Variants in TECPR2 observed in about 807,000 individuals in gnomAD.
The protein encoded by TECPR2 is tectonin beta-propeller repeat-containing protein 2.
A neutral mutation model predicts 138.1 loss-of-function variants in TECPR2; 65 were observed. That is an observed-to-expected ratio of 0.47 (90% CI 0.39 to 0.58). TECPR2 has a LOEUF of 0.58. TECPR2 is among the 20% of genes least tolerant of loss of function. The pLI is 0.00. For missense variants in TECPR2, 1,553 were observed against 1,824.5 expected, an observed-to-expected ratio of 0.85 and a Z score of 2.71; for synonymous variants, 746 against 749.8, an observed-to-expected ratio of 0.99 and a Z score of 0.08.
At chr14:102,370,588 C>G (rs1391573760) in intron 1 of TECPR2, among the ~76,000 whole-genome samples, 1 of 152,180 alleles carries the variant, frequency 6.6e-6, no homozygotes, top group African/African-American at 2.4e-5. Context: ...AGTGAGAGAT[C>G]CTCGGGTGGC....
At position 102,434,732 on chromosome 14, in the gene TECPR2, T is replaced by C. The variant is rs1475275571; in HGVS notation, c.1915T>C (p.Phe639Leu). The C allele has an allele frequency of 1.9e-6, 3 of 1,613,486 alleles. No homozygotes were observed. Among genetic ancestry groups the C allele is most frequent in the Non-Finnish European group, 2.5e-6 (3 of 1,180,014 alleles). ...CCAACCCATTGGCCCCCAAAGCACT[T>C]TTTGTGAAGTCCCCCTCCTGAACTC... ...DIQPIGPQST[F>L]CEVPLLNSLT... Residue 639 changes from phenylalanine (F) to leucine (L), a missense_variant, in exon 9 of 20, where the codon TTT becomes CTT. By Grantham distance (22) the Phe-to-Leu change is conservative. Coordinates refer to ENST00000359520, the MANE Select transcript of TECPR2 (RefSeq NM_014844.5).
At chr14:102,373,197 T>TCCC (rs1372616375) in intron 1 of TECPR2, among the ~76,000 whole-genome samples, 1 of 151,830 alleles carries the variant, frequency 6.6e-6, no homozygotes, top group Non-Finnish European at 1.5e-5. Context: ...TGTTTTTTTT[T>TCCC]TCTTTCTTTT....
rs771394315 is a variant in TECPR2 at position 102,434,647 on chromosome 14, C to T, written c.1830C>T (p.Ser610=). The T allele has an allele frequency of 1.9e-6, 3 of 1,601,024 alleles. No homozygotes were observed. In the South Asian group the frequency reaches 3.3e-5, roughly 18 times the overall value. Residue 610 remains serine (S), a synonymous_variant, in exon 9 of 20, where the codon AGC becomes AGT. Coordinates refer to ENST00000359520, the MANE Select transcript of TECPR2 (RefSeq NM_014844.5). The part of the protein sequence containing the change: ...EPCPADDGPN[S]TQLPFQEQDS... ...GTCCTGCAGATGATGGACCAAATAG[C>T]ACACAGTTACCCTTCCAAGAACAGG...
rs144027811 is a variant in TECPR2, at chr14:102,477,037, C to G, written c.3789+11748C>G. On this transcript the variant is annotated intron_variant, in intron 17 of 19. Coordinates refer to ENST00000359520, the MANE Select transcript of TECPR2 (RefSeq NM_014844.5). ...CCAGCCTGGGTGATAGAGCATGACC[C>G]TGTCTCAAAAACAAACTTATTTATA... Among the ~76,000 whole-genome samples the G allele has an allele frequency of 1.5e-3, 232 of 152,020 alleles. 1 individual carries two copies. Among genetic ancestry groups the G allele is most frequent in the African/African-American group, 5.1e-3 (211 of 41,448 alleles).
At chr14:102,457,446 C>T (rs1890302078) in intron 16 of TECPR2, among the ~76,000 whole-genome samples, 1 of 152,264 alleles carries the variant, frequency 6.6e-6, no homozygotes. Context: ...GTGCTGTCTG[C>T]CCAGGAGCCC....
At chr14:102,375,333 G>A (rs888588189) in intron 1 of TECPR2, among the ~76,000 whole-genome samples, 15 of 152,064 alleles carry the variant, frequency 9.9e-5, no homozygotes, top group Non-Finnish European at 1.9e-4. Context: ...GTCACAGAGT[G>A]AGACTGTGTC....
At position 102,407,323 on chromosome 14, in the gene TECPR2, T is replaced by A; in HGVS notation, c.220-15T>A. The A allele has an allele frequency of 1.9e-6, 3 of 1,584,942 alleles. No individual in the cohort carries two copies. The highest frequency in any genetic ancestry group is 2.6e-6 in the Non-Finnish European group (3 of 1,168,368). The stretch of plus-strand genomic sequence containing the variant: ...TGCATAGTTACAGATTCATTTGTTT[T>A]CAACGTTTCCCCAGGGGAAGACGGA... On this transcript the variant is annotated splice_polypyrimidine_tract_variant and intron_variant, in intron 2 of 19. Coordinates refer to ENST00000359520, the MANE Select transcript of TECPR2 (RefSeq NM_014844.5).
rs145028472 is a variant in TECPR2 at position 102,364,901 on chromosome 14, C to T, written c.-73+1785C>T. Among the ~76,000 whole-genome samples the T allele has an allele frequency of 9.1e-3, 1,378 of 152,058 alleles. 8 individuals are homozygous for T. The highest frequency in any genetic ancestry group is 0.02 in the Middle Eastern group (6 of 294). Reference sequence around the variant, plus strand: ...TAATGAAAAGCTTTGGTGTCAAGCACGAAGAGATTTCTAGATTCAGTAATG... The same window carrying T: ...TAATGAAAAGCTTTGGTGTCAAGCATGAAGAGATTTCTAGATTCAGTAATG... On this transcript the variant is annotated intron_variant, in intron 1 of 19. Transcript: ENST00000359520.
intron 8 of TECPR2, among the ~76,000 whole-genome samples, chr14:102,433,510 A>AT (rs1247858903): frequency 1.3e-5 from 2 of 150,220 alleles, no homozygotes; most frequent in African/African-American, 4.9e-5. Flanking sequence ...TTATTTATTT[A>AT]TTTATTTATT....
intron 2 of TECPR2, 39 bp from the exon 3 acceptor site, chr14:102,407,299 G>T (rs371583195): frequency 9.0e-6 from 14 of 1,555,620 alleles, no homozygotes; most frequent in Non-Finnish European, 1.1e-5. Flanking sequence ...TTCAAAGCCT[G>T]CATAGTTACA....
At chr14:102,405,832 G>A (rs573143960) in intron 2 of TECPR2, among the ~76,000 whole-genome samples, 2 of 152,166 alleles carry the variant, frequency 1.3e-5, no homozygotes, top group Non-Finnish European at 2.9e-5. Context: ...ACATACAAGA[G>A]AATATGAGTA....
chr14:102,486,151 G>A (rs952947301), intron 17 of TECPR2, among the ~76,000 whole-genome samples: 1 of 152,206 alleles, frequency 6.6e-6, no homozygotes, highest in Non-Finnish European at 1.5e-5. Context: ...GCAGTAACTG[G>A]AGTCAGTGCA....
chr14:102,418,948 G>A (rs1052167883), intron 5 of TECPR2, among the ~76,000 whole-genome samples: 1 of 152,130 alleles, frequency 6.6e-6, no homozygotes, highest in East Asian at 1.9e-4. Context: ...CTGGAGGCAC[G>A]GGGAGAAGGA....
intron 17 of TECPR2, among the ~76,000 whole-genome samples, chr14:102,489,001 G>T (rs963369814): frequency 6.6e-6 from 1 of 151,832 alleles, no homozygotes; most frequent in Non-Finnish European, 1.5e-5. Context: ...TCCTGCCTCA[G>T]CCTCCCGAGA....
At position 102,443,508 on chromosome 14, in the gene TECPR2, A is replaced by G. The variant is rs1051111239; in HGVS notation, c.2753-139A>G. On this transcript the variant is annotated intron_variant, in intron 11 of 19. Coordinates refer to ENST00000359520, the MANE Select transcript of TECPR2 (RefSeq NM_014844.5). The surrounding 1 kb of genome is among the most constrained non-coding windows in gnomAD (Gnocchi z 4.9). Reference sequence around the variant, plus strand: ...TATATTTTTAATTAATTAATTAATTAAAGTTTTTTTTTAAAGCACTCATCA... The same window carrying G: ...TATATTTTTAATTAATTAATTAATTGAAGTTTTTTTTTAAAGCACTCATCA... 19 of 734,618 alleles carry G rather than the reference A, an allele frequency of 2.6e-5. No homozygotes were observed. The African/African-American group carries it at 3.5e-4, about 13-fold the overall frequency. The allele number at this position is 734,618 out of a possible 1,614,324, so 45.5% of individuals were successfully genotyped here.
At chr14:102,384,966 C>T (rs1027674096) in intron 2 of TECPR2, among the ~76,000 whole-genome samples, 1 of 145,526 alleles carries the variant, frequency 6.9e-6, no homozygotes, top group Non-Finnish European at 1.5e-5. Context: ...CAGCAATTCT[C>T]CTGCCTCAGC....
At chr14:102,463,147 G>A (rs769439981) in intron 16 of TECPR2, among the ~76,000 whole-genome samples, 5 of 152,244 alleles carry the variant, frequency 3.3e-5, no homozygotes, top group African/African-American at 4.8e-5. Context: ...CAGGCCGGGC[G>A]CAGTGGCTCA....
intron 1 of TECPR2, among the ~76,000 whole-genome samples, chr14:102,364,228 C>G (rs1887279854): frequency 6.6e-6 from 1 of 152,214 alleles, no homozygotes; most frequent in African/African-American, 2.4e-5. Context: ...GCCACTGTAG[C>G]TCCTTGTGAT....
chr14:102,470,818 G>C (rs1595142247), intron 17 of TECPR2, among the ~76,000 whole-genome samples: 1 of 129,048 alleles, frequency 7.7e-6, no homozygotes, highest in Admixed American at 7.7e-5. Flanking sequence ...TTTGTTTCTT[G>C]TGTTTTTTTT....
Sources: allele counts gnomAD v4.1 joint callset (sites outside exome capture counted in the v4.1 genomes callset), GRCh38; gene constraint gnomAD v4.1.1; non-coding constraint Gnocchi (gnomAD v3.1); transcripts MANE v1.5; gene names NCBI Gene and HGNC (gene_info 2026-07-23, HGNC 2026-07-21).